Variants in DTD1 observed in about 807,000 individuals in gnomAD.
DTD1 encodes the protein D-tyrosyl-tRNA deacylase 1 homolog.
DTD1 carries 13 observed loss-of-function variants against 25.6 expected under a neutral mutation model. That is an observed-to-expected ratio of 0.51 (90% CI 0.33 to 0.81). The LOEUF (loss-of-function observed/expected upper bound fraction) is 0.81, where lower values mean the gene tolerates loss of function less well. Ranked by LOEUF, DTD1 falls within the 30% of genes least tolerant of loss-of-function variation. DTD1 has a pLI of 0.02. For synonymous variants in DTD1, 110 were observed against 103.6 expected, an observed-to-expected ratio of 1.06 and a Z score of -0.37; for missense variants, 193 against 266.4, an observed-to-expected ratio of 0.72 and a Z score of 1.92.
intron 4 of DTD1, among the ~76,000 whole-genome samples, chr20:18,639,712 A>G (rs975896874): frequency 2.0e-5 from 3 of 152,168 alleles, no homozygotes; most frequent in East Asian, 1.9e-4. Context: ...TCGTTTGACT[A>G]TTTTCCATAA....
At chr20:18,647,564 G>T (rs1181673728) in intron 4 of DTD1, among the ~76,000 whole-genome samples, 5 of 152,180 alleles carry the variant, frequency 3.3e-5, no homozygotes, top group African/African-American at 1.2e-4. Flanking sequence ...ATGCCCAGAA[G>T]ATCAGGACAC....
At chr20:18,737,364 C>T (rs1459596958) in intron 4 of DTD1, among the ~76,000 whole-genome samples, 3 of 152,216 alleles carry the variant, frequency 2.0e-5, no homozygotes, top group African/African-American at 4.8e-5. Flanking sequence ...GCACAGCTTT[C>T]GTTGGCCCTC....
chr20:18,639,620 A>G (rs1303142138), intron 4 of DTD1, among the ~76,000 whole-genome samples: 2 of 152,152 alleles, frequency 1.3e-5, no homozygotes, highest in African/African-American at 4.8e-5. Flanking sequence ...ATACCTCACT[A>G]GCTCCACCAT....
At chr20:18,648,616 T>C (rs1487264863) in intron 4 of DTD1, among the ~76,000 whole-genome samples, 1 of 151,964 alleles carries the variant, frequency 6.6e-6, no homozygotes, top group African/African-American at 2.4e-5. Context: ...TTCTTTCATC[T>C]CTCTCTCTTC....
At position 18,631,979 on chromosome 20, in the gene DTD1, C is replaced by T. The variant is rs74684095; in HGVS notation, c.477+3746C>T. On this transcript the variant is annotated intron_variant, in intron 4 of 5. Transcript: ENST00000377452. ...AGTAAGTCTCAAGATCTAATGTACA[C>T]CATAAGGAGTGCAGTATCATATTGT... The T allele has an allele frequency of 4.8e-4, 424 of 887,864 alleles. 8 individuals are homozygous for T. The Admixed American group carries it at 0.02, about 43-fold the overall frequency. 55.0% of individuals were successfully genotyped at this position (887,864 alleles called of 1,614,324 possible). A position where few individuals can be genotyped will look rare whatever the true frequency, so the allele number is the denominator to read the frequency against.
At chr20:18,681,109 C>T (rs547307057) in intron 4 of DTD1, among the ~76,000 whole-genome samples, 4 of 152,220 alleles carry the variant, frequency 2.6e-5, no homozygotes, top group South Asian at 4.1e-4. Flanking sequence ...GTTTCTACGC[C>T]GGGTGAGTGG....
At chr20:18,672,962 T>C (rs993957642) in intron 4 of DTD1, among the ~76,000 whole-genome samples, 7 of 152,204 alleles carry the variant, frequency 4.6e-5, no homozygotes, top group African/African-American at 1.7e-4. Context: ...GGCCCTGTCG[T>C]CCAGCTGGGT....
At chr20:18,673,219 T>G (rs890514261) in intron 4 of DTD1, among the ~76,000 whole-genome samples, 20 of 152,342 alleles carry the variant, frequency 1.3e-4, no homozygotes, top group Admixed American at 1.2e-3. Context: ...AAGTTGAAAT[T>G]TTGAGGTTAA....
chr20:18,679,264 A>G (rs1008481125), intron 4 of DTD1, among the ~76,000 whole-genome samples: 1 of 152,242 alleles, frequency 6.6e-6, no homozygotes, highest in East Asian at 1.9e-4. Flanking sequence ...GGCAGTCACC[A>G]TTATCAAAAG....
intron 4 of DTD1, among the ~76,000 whole-genome samples, chr20:18,712,397 G>T (rs1317184620): frequency 6.7e-6 from 1 of 149,448 alleles, no homozygotes; most frequent in Non-Finnish European, 1.5e-5. Context: ...TGTTGTGGGG[G>T]TGGGGGTGGG....
intron 3 of DTD1, among the ~76,000 whole-genome samples, chr20:18,599,050 A>G (rs1449280807): frequency 6.6e-6 from 1 of 152,172 alleles, no homozygotes; most frequent in Non-Finnish European, 1.5e-5. Flanking sequence ...ATTAGCACTG[A>G]ATAATGTTCT....
intron 5 of DTD1, among the ~76,000 whole-genome samples, chr20:18,756,840 C>A (rs1319046497): frequency 5.3e-5 from 8 of 151,970 alleles, no homozygotes; most frequent in African/African-American, 1.9e-4. Flanking sequence ...GATGGCATTG[C>A]ATCTATAAAT....
intron 4 of DTD1, among the ~76,000 whole-genome samples, chr20:18,661,294 G>T (rs778804451): frequency 6.6e-6 from 1 of 151,762 alleles, no homozygotes; most frequent in Admixed American, 6.6e-5. Context: ...ATGATGCTGG[G>T]AATTTGATAG....
intron 3 of DTD1, among the ~76,000 whole-genome samples, chr20:18,615,556 A>G (rs1472498252): frequency 2.0e-5 from 3 of 152,164 alleles, no homozygotes; most frequent in Non-Finnish European, 2.9e-5. Context: ...TATTGCTTTT[A>G]TAGTTAGAAA....
At chr20:18,760,699 G>A (rs2061358034) in intron 5 of DTD1, among the ~76,000 whole-genome samples, 1 of 152,208 alleles carries the variant, frequency 6.6e-6, no homozygotes, top group African/African-American at 2.4e-5. Context: ...CACTTGAGGA[G>A]GCAGTCTGTC....
At chr20:18,710,906 G>C (rs1023280739) in intron 4 of DTD1, among the ~76,000 whole-genome samples, 1 of 152,180 alleles carries the variant, frequency 6.6e-6, no homozygotes, top group African/African-American at 2.4e-5. Context: ...CCATTTGAGG[G>C]TTAAGGAGGT....
chr20:18,666,278 G>A (rs142500477), intron 4 of DTD1, among the ~76,000 whole-genome samples: 76 of 152,308 alleles, frequency 5.0e-4, no homozygotes, highest in African/African-American at 1.8e-3. Flanking sequence ...AGGGGTATGT[G>A]ACATCCCTGG....
intron 1 of DTD1, 70 bp downstream of exon 1, chr20:18,588,185 G>T: frequency 8.4e-7 from 1 of 1,195,702 alleles, no homozygotes; most frequent in Non-Finnish European, 1.0e-6. Context: ...TTGCGTGGGG[G>T]GTCTTCCTGC....
intron 4 of DTD1, among the ~76,000 whole-genome samples, chr20:18,663,083 A>G (rs2060917745): frequency 6.6e-6 from 1 of 152,208 alleles, no homozygotes. Context: ...CCCAGGTCAG[A>G]AGGACAGTGT....
Sources: gnomAD v4.1 joint callset for allele counts (sites outside exome capture counted in the v4.1 genomes callset) on GRCh38, gnomAD v4.1.1 for gene constraint, MANE v1.5 for transcripts, NCBI Gene and HGNC (gene_info 2026-07-23, HGNC 2026-07-21) for gene names.